The following SUMF1 variants were observed in gnomAD, a reference collection of about 807,000 sequenced individuals.
SUMF1 encodes the protein formylglycine-generating enzyme.
In SUMF1, 48 loss-of-function variants were observed where a neutral mutation model predicts 47.6. The ratio of observed to expected loss-of-function variants is 1.01; its 90% CI spans 0.80 to 1.28. SUMF1 has a LOEUF of 1.28. Ranked by LOEUF, SUMF1 falls within the 50% of genes most tolerant of loss-of-function variation. The pLI, the probability that SUMF1 is intolerant of heterozygous loss-of-function variation, is 0.00. For synonymous variants in SUMF1, 230 were observed against 192.1 expected (o/e 1.20, Z -1.63); for missense variants, 571 against 485.4 (o/e 1.18, Z -1.66).
In SUMF1 at chr3:4,080,398, G is replaced by GT. The variant is rs528734379; in HGVS notation, c.1015-11654dup. 5.3e-3 allele frequency among the ~76,000 whole-genome samples: 805 copies of GT among 152,222 alleles called. 4 individuals are homozygous for GT. Among genetic ancestry groups the GT allele is most frequent in the Non-Finnish European group, 7.9e-3 (534 of 68,012 alleles). On this transcript the variant is annotated intron_variant and NMD_transcript_variant, in intron 8 of 12. Coordinates refer to the SUMF1 transcript ENST00000448413. ...AGCTGGTATTGAGGTGCATGTCCCA[G>GT]TTTATCTCCAGCCCTCCTAATCTCA...
At chr3:4,133,550 A>C (rs761577198) in intron 8 of SUMF1, among the ~76,000 whole-genome samples, 2 of 152,120 alleles carry the variant, frequency 1.3e-5, no homozygotes, top group Non-Finnish European at 2.9e-5. Flanking sequence ...ACCCACCCTT[A>C]ATCTGGGTGG....
chr3:4,347,564 A>G (rs1476666227), intron 8 of SUMF1, among the ~76,000 whole-genome samples: 1 of 152,248 alleles, frequency 6.6e-6, no homozygotes, highest in Non-Finnish European at 1.5e-5. Flanking sequence ...TGTCAAACCC[A>G]CAGCCAATAT....
At chr3:4,119,118 T>C (rs1439256692) in intron 8 of SUMF1, among the ~76,000 whole-genome samples, 1 of 152,124 alleles carries the variant, frequency 6.6e-6, no homozygotes, top group Non-Finnish European at 1.5e-5. Context: ...CTGACCAAGC[T>C]AACAACCATA....
chr3:4,223,994 G>A (rs1431703194), intron 8 of SUMF1, among the ~76,000 whole-genome samples: 1 of 152,050 alleles, frequency 6.6e-6, no homozygotes, highest in Admixed American at 6.6e-5. Flanking sequence ...CAGCATTAAG[G>A]ATAAGAGTAA....
intron 9 of SUMF1, among the ~76,000 whole-genome samples, chr3:4,045,520 T>C (rs187545882): frequency 2.0e-5 from 3 of 152,084 alleles, no homozygotes; most frequent in Non-Finnish European, 4.4e-5. Context: ...AGATTGTATA[T>C]ATAAAAATTA....
chr3:4,106,704 C>A (rs557698848), intron 8 of SUMF1, among the ~76,000 whole-genome samples: 1 of 152,016 alleles, frequency 6.6e-6, no homozygotes, highest in East Asian at 1.9e-4. Flanking sequence ...CTACTTGAAT[C>A]CTTAAAATTA....
At chr3:4,441,352 C>A (rs146805641) in intron 3 of SUMF1, among the ~76,000 whole-genome samples, 16 of 152,252 alleles carry the variant, frequency 1.1e-4, no homozygotes, top group African/African-American at 3.9e-4. Flanking sequence ...CTCTGGGCTC[C>A]CACTGATTCT....
intron 9 of SUMF1, among the ~76,000 whole-genome samples, chr3:4,043,740 C>T (rs912937175): frequency 6.6e-6 from 1 of 152,318 alleles, no homozygotes; most frequent in Admixed American, 6.5e-5. Flanking sequence ...AGAAACAGAG[C>T]ATGAAAACAC....
chr3:4,037,194 C>A (rs1694816718), intron 9 of SUMF1, among the ~76,000 whole-genome samples: 1 of 152,054 alleles, frequency 6.6e-6, no homozygotes. Flanking sequence ...TATGGATAGA[C>A]CACATTTATT....
At chr3:4,324,814 T>G (rs1575099005) in intron 8 of SUMF1, among the ~76,000 whole-genome samples, 1 of 152,276 alleles carries the variant, frequency 6.6e-6, no homozygotes, top group Non-Finnish European at 1.5e-5. Flanking sequence ...CATAGTGAGT[T>G]TGGGGGCCCT....
chr3:4,251,692 T>A (rs1696805207), intron 8 of SUMF1, among the ~76,000 whole-genome samples: 1 of 152,216 alleles, frequency 6.6e-6, no homozygotes, highest in South Asian at 2.1e-4. Flanking sequence ...TCTCTAGCTT[T>A]GAAAATGCCA....
At chr3:4,129,568 C>T (rs1019662494) in intron 8 of SUMF1, among the ~76,000 whole-genome samples, 6 of 152,056 alleles carry the variant, frequency 3.9e-5, no homozygotes, top group African/African-American at 9.7e-5. Flanking sequence ...AAGGGGAGGC[C>T]GGGTTCTCTT....
At chr3:4,154,312 A>C (rs1694404729) in intron 8 of SUMF1, among the ~76,000 whole-genome samples, 1 of 151,472 alleles carries the variant, frequency 6.6e-6, no homozygotes, top group African/African-American at 2.5e-5. Context: ...GGGGAAACTA[A>C]CCTCACCAGG....
intron 8 of SUMF1, among the ~76,000 whole-genome samples, chr3:4,245,835 C>T (rs550953197): frequency 2.0e-5 from 3 of 152,310 alleles, no homozygotes; most frequent in African/African-American, 7.2e-5. Flanking sequence ...TTCAGATATG[C>T]CCTGCCCCTA....
intron 8 of SUMF1, among the ~76,000 whole-genome samples, chr3:4,180,196 A>G (rs948735202): frequency 2.6e-5 from 4 of 152,224 alleles, no homozygotes; most frequent in African/African-American, 9.6e-5. Flanking sequence ...ATTACTGGGT[A>G]CATACCCAAA....
intron 8 of SUMF1, among the ~76,000 whole-genome samples, chr3:4,115,955 C>CA (rs1164229548): frequency 6.6e-6 from 1 of 151,914 alleles, no homozygotes; most frequent in Non-Finnish European, 1.5e-5. Flanking sequence ...ACTCTGGAAA[C>CA]AAAAAAATCA....
intron 8 of SUMF1, among the ~76,000 whole-genome samples, chr3:4,232,711 G>A (rs991839996): frequency 7.9e-5 from 12 of 151,786 alleles, no homozygotes; most frequent in African/African-American, 1.9e-4. Flanking sequence ...TTTTTTAAAA[G>A]GCAGTCCGGG....
At chr3:4,164,985 T>G (rs2125117620) in intron 8 of SUMF1, among the ~76,000 whole-genome samples, 1 of 152,188 alleles carries the variant, frequency 6.6e-6, no homozygotes, top group South Asian at 2.1e-4. Flanking sequence ...TTCTCCTTAG[T>G]CCTTCTAGAA....
chr3:4,376,599 A>G (rs554223883), intron 7 of SUMF1, among the ~76,000 whole-genome samples: 2 of 152,252 alleles, frequency 1.3e-5, no homozygotes, highest in East Asian at 1.9e-4. Context: ...GCCCACCTCA[A>G]GTTTCCACTC....
Sources: gnomAD v4.1 joint callset for allele counts (sites outside exome capture counted in the v4.1 genomes callset) on GRCh38, gnomAD v4.1.1 for gene constraint, MANE v1.5 for transcripts, NCBI Gene and HGNC (gene_info 2026-07-23, HGNC 2026-07-21) for gene names.